The following SLC24A2 variants were observed in gnomAD, a reference collection of about 807,000 sequenced individuals.
SLC24A2 encodes the protein sodium/potassium/calcium exchanger 2.
A neutral mutation model predicts 62.0 loss-of-function variants in SLC24A2; 36 were observed. The ratio of observed to expected loss-of-function variants is 0.58; its 90% CI spans 0.44 to 0.77. SLC24A2 has a LOEUF of 0.77. Among genes scored for constraint, SLC24A2 ranks in the 30% least tolerant of loss-of-function variants. The pLI, the probability that SLC24A2 is intolerant of heterozygous loss-of-function variation, is 0.00. For synonymous variants in SLC24A2, 358 were observed against 294.0 expected, an observed-to-expected ratio of 1.22 and a Z score of -2.23; for missense variants, 846 against 817.9, an observed-to-expected ratio of 1.03 and a Z score of -0.42.
At chr9:19,970,107 C>A in the SLC24A2 span, among the ~76,000 whole-genome samples, 1 of 152,172 alleles carries the variant, frequency 6.6e-6, no homozygotes, top group Non-Finnish European at 1.5e-5. Flanking sequence ...CTGGACAAGG[C>A]CCCTTCCCTT....
chr9:20,097,052 T>A, the SLC24A2 span, among the ~76,000 whole-genome samples: 1 of 152,208 alleles, frequency 6.6e-6, no homozygotes, highest in Non-Finnish European at 1.5e-5. Context: ...TGTAAATCAA[T>A]ATAATACATG....
At chr9:19,982,930 A>C in the SLC24A2 span, among the ~76,000 whole-genome samples, 1 of 152,216 alleles carries the variant, frequency 6.6e-6, no homozygotes, top group African/African-American at 2.4e-5. Flanking sequence ...AAACTTCATG[A>C]TGTGGAAAAA....
At chr9:20,089,771 C>T in the SLC24A2 span, among the ~76,000 whole-genome samples, 1 of 151,440 alleles carries the variant, frequency 6.6e-6, no homozygotes, top group Non-Finnish European at 1.5e-5. Context: ...CTTACGGCAC[C>T]CCACAGTCAC....
intron 7 of SLC24A2, among the ~76,000 whole-genome samples, chr9:19,561,135 G>C (rs918154668): frequency 2.6e-5 from 4 of 151,186 alleles, no homozygotes; most frequent in Non-Finnish European, 5.9e-5. Flanking sequence ...TTACCATGTT[G>C]GCCAGGCTGG....
chr9:20,104,573 C>T, the SLC24A2 span, among the ~76,000 whole-genome samples: 1 of 152,202 alleles, frequency 6.6e-6, no homozygotes, highest in Non-Finnish European at 1.5e-5. Flanking sequence ...GAACTTTCAA[C>T]CCAGAATTTC....
chr9:19,567,901 T>A (rs1326031952), intron 7 of SLC24A2, among the ~76,000 whole-genome samples: 3 of 152,284 alleles, frequency 2.0e-5, no homozygotes, highest in South Asian at 4.1e-4. Flanking sequence ...ATTTTAAAAA[T>A]GCTCTCTATT....
chr9:20,129,499 T>G, the SLC24A2 span, among the ~76,000 whole-genome samples: 4 of 152,100 alleles, frequency 2.6e-5, no homozygotes, highest in Non-Finnish European at 4.4e-5. Flanking sequence ...TAGCACTATT[T>G]ACAATAGCCA....
chr9:19,536,030 G>A (rs1226183717), intron 8 of SLC24A2, among the ~76,000 whole-genome samples: 2 of 151,850 alleles, frequency 1.3e-5, no homozygotes, highest in Non-Finnish European at 2.9e-5. Flanking sequence ...GCAGTGGTTT[G>A]CAGTTCTCCT....
chr9:20,012,088 C>T, the SLC24A2 span, among the ~76,000 whole-genome samples: 2 of 152,144 alleles, frequency 1.3e-5, no homozygotes, highest in African/African-American at 4.8e-5. Flanking sequence ...ACATCATTCT[C>T]AGTGGTGAAA....
chr9:20,206,757 G>A, the SLC24A2 span, among the ~76,000 whole-genome samples: 5 of 152,120 alleles, frequency 3.3e-5, no homozygotes, highest in East Asian at 7.7e-4. Flanking sequence ...GGGATTACAG[G>A]CGTGAGCCAC....
At chr9:19,541,373 G>A (rs1179407256) in intron 8 of SLC24A2, among the ~76,000 whole-genome samples, 1 of 151,670 alleles carries the variant, frequency 6.6e-6, no homozygotes, top group Non-Finnish European at 1.5e-5. Context: ...GTGATGTACA[G>A]ATGGGTTTTC....
intron 2 of SLC24A2, among the ~76,000 whole-genome samples, chr9:19,660,998 G>T (rs533543502): frequency 1.3e-5 from 2 of 152,174 alleles, no homozygotes; most frequent in Non-Finnish European, 2.9e-5. Context: ...GCCCAGTGGG[G>T]TATGGCTAGT....
rs548197330 is a variant in SLC24A2 at position 19,730,911 on chromosome 9, T to C, written c.930+55026A>G. On this transcript the variant is annotated intron_variant, in intron 2 of 10. Coordinates refer to ENST00000341998, the MANE Select transcript of SLC24A2 (RefSeq NM_020344.4). ...TTTTTACCTTTGATAATAAAATTTT[T>C]TGACAATGGAAAAAAAGATATTCAT... 1.1e-3 allele frequency among the ~76,000 whole-genome samples: 165 copies of C among 152,270 alleles called. 1 individual carries two copies. Among genetic ancestry groups the C allele is most frequent in the African/African-American group, 3.7e-3 (155 of 41,570 alleles).
At chr9:19,864,751 G>A in the SLC24A2 span, among the ~76,000 whole-genome samples, 1 of 152,098 alleles carries the variant, frequency 6.6e-6, no homozygotes, top group African/African-American at 2.4e-5. Context: ...GGGATAAACT[G>A]AAAGCCTTTC....
At chr9:19,526,141 T>C (rs545831273) in intron 9 of SLC24A2, among the ~76,000 whole-genome samples, 41 of 152,220 alleles carry the variant, frequency 2.7e-4, no homozygotes, top group Non-Finnish European at 5.6e-4. Flanking sequence ...TCACTTAGCA[T>C]AATATTTTCG....
intron 10 of SLC24A2, among the ~76,000 whole-genome samples, 185 bp downstream of exon 10, chr9:19,520,709 A>G (rs1451283791): frequency 1.3e-5 from 2 of 151,974 alleles, no homozygotes; most frequent in Non-Finnish European, 2.9e-5. Flanking sequence ...ATTTTTCATT[A>G]AGTTCTCTGA....
At chr9:19,541,948 G>C (rs1307627113) in intron 8 of SLC24A2, among the ~76,000 whole-genome samples, 2 of 152,286 alleles carry the variant, frequency 1.3e-5, no homozygotes, top group African/African-American at 2.4e-5. Context: ...CGCAATATTC[G>C]GGTGGGAGTG....
the SLC24A2 span, among the ~76,000 whole-genome samples, chr9:19,963,573 C>A: frequency 4.6e-5 from 7 of 152,204 alleles, no homozygotes; most frequent in African/African-American, 1.4e-4. Flanking sequence ...TGAACAGACA[C>A]TTCTCAAAAG....
chr9:20,190,860 T>C, the SLC24A2 span, among the ~76,000 whole-genome samples: 2 of 152,232 alleles, frequency 1.3e-5, no homozygotes, highest in Non-Finnish European at 1.5e-5. Flanking sequence ...TGGTACCTAT[T>C]CACAGGATTA....
Sources: gnomAD v4.1 joint callset for allele counts (sites outside exome capture counted in the v4.1 genomes callset) on GRCh38, gnomAD v4.1.1 for gene constraint, MANE v1.5 for transcripts, NCBI Gene and HGNC (gene_info 2026-07-23, HGNC 2026-07-21) for gene names.